MYH11: variants seen among roughly 807,000 people sequenced by gnomAD.
The protein encoded by MYH11 is myosin heavy chain 11.
MYH11 carries 80 observed loss-of-function variants against 246.6 expected under a neutral mutation model. The ratio of observed to expected loss-of-function variants is 0.32; its 90% CI spans 0.27 to 0.39. The LOEUF is 0.39. Ranked by LOEUF, MYH11 falls within the 10% of genes least tolerant of loss-of-function variation. MYH11 has a pLI of 1.00. For missense variants in MYH11, 2,158 were observed against 2,546.8 expected, an observed-to-expected ratio of 0.85 and a Z score of 3.29; for synonymous variants, 1,071 against 1,015.5, an observed-to-expected ratio of 1.05 and a Z score of -1.04.
chr16:15,784,894 T>C, intron 5 of MYH11: 1 of 682,968 alleles, frequency 1.5e-6, no homozygotes, highest in Non-Finnish European at 2.5e-6. Context: ...GCTGCAGGAA[T>C]ACGATCACAG....
At chr16:15,772,869 A>G (rs8059739) in intron 8 of MYH11, among the ~76,000 whole-genome samples, 53,968 of 152,078 alleles carry the variant, frequency 0.35, 10,379 homozygotes, top group South Asian at 0.49. Flanking sequence ...CGTGAGCTGC[A>G]CATGTGCCCT....
At chr16:15,760,749 T>A in intron 10 of MYH11, 91 bp from the exon 11 acceptor site, 1 of 923,834 alleles carries the variant, frequency 1.1e-6, no homozygotes, top group East Asian at 2.4e-5. Context: ...GATCTGTGAA[T>A]ACAGCGGGTT....
chr16:15,743,749 C>G (rs2041341248), intron 20 of MYH11, among the ~76,000 whole-genome samples: 1 of 152,200 alleles, frequency 6.6e-6, no homozygotes, highest in African/African-American at 2.4e-5. Flanking sequence ...GGTGTGTGTT[C>G]ACAGCTGCAC....
chr16:15,717,061 G>T, intron 38 of MYH11, 79 bp downstream of exon 38: 1 of 1,444,614 alleles, frequency 6.9e-7, no homozygotes, highest in South Asian at 1.1e-5. Context: ...GATGCTGGAA[G>T]AGGTTCCCTG....
chr16:15,839,689 G>A (rs1384742554), intron 1 of MYH11, among the ~76,000 whole-genome samples: 7 of 150,078 alleles, frequency 4.7e-5, no homozygotes, highest in Admixed American at 6.6e-5. Flanking sequence ...GCGAGACTCT[G>A]TCTCGAAAAA....
At position 15,706,219 on chromosome 16, in the gene MYH11, C is replaced by T. The variant is rs143728194; in HGVS notation, c.5787-2096G>A. Among the ~76,000 whole-genome samples the T allele has an allele frequency of 2.5e-3, 380 of 152,292 alleles. 4 individuals are homozygous for T. Among genetic ancestry groups the T allele is most frequent in the African/African-American group, 8.4e-3 (348 of 41,574 alleles). ...CTTCACAGAGAAGCTTCTGGACTTG[C>T]AGCCCTACTAGAGAACTCTCCATCC... On this transcript the variant is annotated intron_variant, in intron 40 of 40. Coordinates refer to ENST00000300036, the MANE Select transcript of MYH11 (RefSeq NM_002474.3).
At chr16:15,725,527 C>T (rs946405891) in intron 28 of MYH11, 5 of 417,624 alleles carry the variant, frequency 1.2e-5, no homozygotes, top group Non-Finnish European at 1.7e-5. Flanking sequence ...TATTCTCTGG[C>T]TTTTACTCCC....
At chr16:15,793,062 ACTC>A (rs1434249863) in intron 4 of MYH11, among the ~76,000 whole-genome samples, 1 of 150,272 alleles carries the variant, frequency 6.7e-6, no homozygotes, top group Non-Finnish European at 1.5e-5. Context: ...GAAAGTTTAA[ACTC>A]CTCCCCAGGG....
At chr16:15,795,935 A>C (rs2042733228) in intron 4 of MYH11, among the ~76,000 whole-genome samples, 1 of 152,176 alleles carries the variant, frequency 6.6e-6, no homozygotes, top group Admixed American at 6.5e-5. Flanking sequence ...AGGTTCTGGA[A>C]TCCACACTTT....
chr16:15,724,011 G>T, intron 31 of MYH11, 150 bp downstream of exon 31: 1 of 1,355,014 alleles, frequency 7.4e-7, no homozygotes, highest in South Asian at 1.3e-5. Context: ...CTCCATGGTC[G>T]CCCAAGACAA....
At chr16:15,814,119 C>A (rs1445764458) in intron 3 of MYH11, among the ~76,000 whole-genome samples, 1 of 146,374 alleles carries the variant, frequency 6.8e-6, no homozygotes. Context: ...GCTTGCGCGA[C>A]AAGAGGGAAA....
chr16:15,720,304 C>A lies in MYH11; in HGVS notation c.4800G>T (p.Glu1600Asp), dbSNP rs1328056044. 1.9e-6 allele frequency: 3 copies of A among 1,613,990 alleles called. No individual in the cohort carries two copies. In the African/African-American group the frequency reaches 4.0e-5, roughly 22 times the overall value. Residue 1600 changes from glutamate to aspartate, a missense_variant, in exon 34 of 41, where the codon GAG becomes GAT. Coordinates refer to ENST00000300036, the MANE Select transcript of MYH11 (RefSeq NM_002474.3). ...KRRQLQRQLH[E>D]YETELEDERK... Reference sequence around the variant, plus strand: ...GCTCGTCTTCCAGTTCCGTCTCATACTCGTGAAGCTGGGCGAGGAATAGAG... The same window carrying A: ...GCTCGTCTTCCAGTTCCGTCTCATAATCGTGAAGCTGGGCGAGGAATAGAG...
intron 12 of MYH11, among the ~76,000 whole-genome samples, chr16:15,758,717 T>C (rs1668920852): frequency 6.6e-6 from 1 of 151,398 alleles, no homozygotes; most frequent in African/African-American, 2.4e-5. Context: ...GGAGAATCAC[T>C]TGAACCTGGG....
intron 2 of MYH11, among the ~76,000 whole-genome samples, chr16:15,824,404 A>T (rs2043504593): frequency 6.6e-6 from 1 of 152,050 alleles, no homozygotes; most frequent in African/African-American, 2.4e-5. Context: ...CAGCCTCCCA[A>T]GTAGGTGGTA....
At chr16:15,856,254 G>T (rs1470598753) in intron 1 of MYH11, among the ~76,000 whole-genome samples, 9 of 147,360 alleles carry the variant, frequency 6.1e-5, no homozygotes, top group Non-Finnish European at 1.2e-4. Context: ...AGAGGAAAAA[G>T]TGGGCTGTAA....
intron 4 of MYH11, chr16:15,792,290 ATCC>A (rs2042629025): frequency 6.6e-6 from 1 of 152,158 alleles, no homozygotes; most frequent in South Asian, 2.1e-4. Flanking sequence ...GCCTCAGGCA[ATCC>A]TCCTGCCTCG....
At chr16:15,749,172 T>C (rs2041499619) in intron 16 of MYH11, 1 of 149,166 alleles carries the variant, frequency 6.7e-6, no homozygotes, top group Non-Finnish European at 1.5e-5. Flanking sequence ...TTTTTTAAGA[T>C]GGAGTCTCGC....
chr16:15,717,177 T>C lies in MYH11; in HGVS notation c.5467A>G (p.Ile1823Val). 1.9e-6 allele frequency: 3 copies of C among 1,614,186 alleles called. No homozygotes were observed. Among genetic ancestry groups the C allele is most frequent in the African/African-American group, 2.7e-5 (2 of 75,060 alleles). ...KSTIAALEAK[I>V]AQLEEQVEQE... is the part of the protein sequence containing the mutation. ...TCGACCTGCTCCTCCAGCTGTGCAA[T>C]CTTGGCCTCCAGCGCCGCGATGGTG... is the stretch of plus-strand genomic sequence containing the variant. The change falls in exon 38 of 41, where the codon ATT (isoleucine) becomes GTT (valine). Residue 1823 changes from isoleucine to valine, a missense_variant. Ile to Val is a conservative substitution (Grantham distance 29). Coordinates refer to ENST00000300036, the MANE Select transcript of MYH11 (RefSeq NM_002474.3).
At chr16:15,806,356 G>A (rs2043014986) in intron 3 of MYH11, among the ~76,000 whole-genome samples, 1 of 136,402 alleles carries the variant, frequency 7.3e-6, no homozygotes, top group South Asian at 2.6e-4. Flanking sequence ...CCATTTATAT[G>A]AAATGTCCAG....
Sources: allele counts gnomAD v4.1 joint callset (sites outside exome capture counted in the v4.1 genomes callset), GRCh38; gene constraint gnomAD v4.1.1; transcripts MANE v1.5; gene names NCBI Gene and HGNC (gene_info 2026-07-23, HGNC 2026-07-21).